The following C14orf39 variants were observed in gnomAD, a reference collection of about 807,000 sequenced individuals.
C14orf39 encodes the protein chromosome 14 open reading frame 39, also known as protein SIX6OS1.
In C14orf39, 66 loss-of-function variants were observed where a neutral mutation model predicts 85.6. The ratio of observed to expected loss-of-function variants is 0.77; its 90% CI spans 0.63 to 0.95. The LOEUF (loss-of-function observed/expected upper bound fraction) is 0.95. Among genes scored for constraint, C14orf39 ranks in the 40% least tolerant of loss-of-function variants. The pLI is 0.00. For missense variants in C14orf39, 735 were observed against 663.9 expected (o/e 1.11, Z -1.18); for synonymous variants, 242 against 214.0 (o/e 1.13, Z -1.14).
chr14:60,472,931 G>T (rs923110249), intron 5 of C14orf39, among the ~76,000 whole-genome samples: 22 of 152,116 alleles, frequency 1.4e-4, no homozygotes, highest in African/African-American at 5.3e-4. Context: ...GTAATGGGAT[G>T]GCTGGGTCAA....
In C14orf39 at chr14:60,469,571, C is replaced by T; in HGVS notation, c.637G>A (p.Val213Ile). The part of the protein sequence containing the change: ...TKSSSELKKE[V>I]DEMEIEINYL... ...TTAATTTCTATTTCCATTTCATCTA[C>T]TTCTTTCTTCAATTCGGATGAACTT... Residue 213 changes from valine to isoleucine, a missense_variant, in exon 8 of 18, where the codon GTA becomes ATA. Val to Ile is a conservative substitution (Grantham distance 29, BLOSUM62 3). Coordinates refer to ENST00000321731, the MANE Select transcript of C14orf39 (RefSeq NM_174978.3). 1 of 1,509,908 alleles carries T rather than the reference C, an allele frequency of 6.6e-7. No individual in the cohort carries two copies. Among genetic ancestry groups the T allele is most frequent in the Non-Finnish European group, 8.9e-7 (1 of 1,120,604 alleles). The allele number at this position is 1,509,908 out of a possible 1,614,324, so 93.5% of individuals were successfully genotyped here. A position where few individuals can be genotyped will look rare whatever the true frequency, so the allele number is the denominator to read the frequency against.
chr14:60,501,526 T>A (rs1893148012), intron 1 of C14orf39, among the ~76,000 whole-genome samples: 1 of 152,172 alleles, frequency 6.6e-6, no homozygotes, highest in Admixed American at 6.5e-5. Context: ...TATCGCCCTG[T>A]CAACACCTCG....
intron 7 of C14orf39, among the ~76,000 whole-genome samples, chr14:60,470,718 A>G (rs187253832): frequency 6.6e-6 from 1 of 152,072 alleles, no homozygotes; most frequent in African/African-American, 2.4e-5. Flanking sequence ...CAGAAGAGTT[A>G]AAAGGATGGT....
chr14:60,484,956 T>C lies in C14orf39; in HGVS notation c.50-19A>G. On this transcript the variant is annotated intron_variant, in intron 2 of 17. Transcript: ENST00000321731. This position sits in a 1 kb window ranked among gnomAD's most constrained non-coding sequence, Gnocchi z 4.2. ...TGGAAGACTAAAATAAATAATTATC[T>C]TGTGACTTCAATTCATTGTTAAAAT... 6.3e-7 allele frequency: 1 copy of C among 1,579,138 alleles called. No homozygotes were observed. Among genetic ancestry groups the C allele is most frequent in the South Asian group, 1.2e-5 (1 of 86,078 alleles).
chr14:60,465,911 A>T, intron 11 of C14orf39, 68 bp downstream of exon 11: 3 of 729,062 alleles, frequency 4.1e-6, no homozygotes, highest in East Asian at 2.9e-5. Context: ...TCTTAAGGGC[A>T]GTACATTCAT....
Position 60,499,785 on chromosome 14 carries a change from A to AT in C14orf39, c.-143-356_-143-355insA, listed in dbSNP as rs562200570. 3.3e-4 allele frequency among the ~76,000 whole-genome samples: 51 copies of AT among 152,346 alleles called. No individual in the cohort carries two copies. The East Asian group carries it at 9.4e-3, about 28-fold the overall frequency. On this transcript the variant is annotated intron_variant, in intron 1 of 5. Coordinates refer to the C14orf39 transcript ENST00000556799. Reference sequence around the variant, plus strand: ...ATATTGGCAATACACGACAAGAAAAAATATATATCCTTAATATTTGAAGTG... The same window carrying AT: ...ATATTGGCAATACACGACAAGAAAAATATATATATCCTTAATATTTGAAGTG...
intron 8 of C14orf39, among the ~76,000 whole-genome samples, 174 bp from the exon 9 acceptor site, chr14:60,468,710 C>A (rs1891920134): frequency 6.6e-6 from 1 of 151,412 alleles, no homozygotes; most frequent in African/African-American, 2.4e-5. Flanking sequence ...TAAATCACAC[C>A]CGTTTAACTT....
chr14:60,496,033 T>G, intron 2 of C14orf39: 1 of 683,918 alleles, frequency 1.5e-6, no homozygotes, highest in Non-Finnish European at 2.5e-6. Context: ...AAAGGGATTT[T>G]GGCATGAGGT....
chr14:60,461,494 T>C lies in C14orf39; in HGVS notation c.1058+14A>G, dbSNP rs1280750780. On this transcript the variant is annotated intron_variant, in intron 12 of 17. Transcript: ENST00000321731. ...TTTCAGAGATTAAAGCATTTTCTTA[T>C]TTTAAAAAGTTACCTGACTTGCATA... The C allele has an allele frequency of 1.3e-6, 2 of 1,580,380 alleles. No individual in the cohort carries two copies. The highest frequency in any genetic ancestry group is 2.2e-5 in the East Asian group (1 of 44,466).
At chr14:60,438,587 T>C (rs184598411) in intron 17 of C14orf39, among the ~76,000 whole-genome samples, 1 of 152,246 alleles carries the variant, frequency 6.6e-6, no homozygotes, top group Non-Finnish European at 1.5e-5. Context: ...TTAAAATCCT[T>C]GTCCTCAAAA....
At chr14:60,483,129 T>C (rs998194660) in intron 4 of C14orf39, among the ~76,000 whole-genome samples, 12 of 152,160 alleles carry the variant, frequency 7.9e-5, no homozygotes, top group Non-Finnish European at 1.3e-4. Flanking sequence ...CAAAAAAGGC[T>C]TATTAAAATT....
At chr14:60,511,134 A>C (rs1239541440) in intron 1 of C14orf39, 1 of 1,612,736 alleles carries the variant, frequency 6.2e-7, no homozygotes, top group Non-Finnish European at 8.5e-7. Flanking sequence ...CTACGGGCGG[A>C]GGGCGACGGC....
At chr14:60,493,960 T>C in intron 2 of C14orf39, 1 of 162,904 alleles carries the variant, frequency 6.1e-6, no homozygotes, top group Non-Finnish European at 1.3e-5. Flanking sequence ...CACTGATACC[T>C]GATTGGGAGC....
At chr14:60,465,838 T>G (rs895152355) in intron 11 of C14orf39, 141 bp downstream of exon 11, 2 of 440,150 alleles carry the variant, frequency 4.5e-6, no homozygotes, top group African/African-American at 4.1e-5. Context: ...AATGGCTGAT[T>G]TAATAAATTT....
intron 5 of C14orf39, among the ~76,000 whole-genome samples, chr14:60,474,031 C>T (rs1433564014): frequency 6.6e-6 from 1 of 152,140 alleles, no homozygotes; most frequent in Non-Finnish European, 1.5e-5. Context: ...TCTTCCTACC[C>T]ATGAGCATGG....
Position 60,466,915 on chromosome 14 carries a change from A to G in C14orf39, c.895+2T>C. On this transcript the variant is annotated splice_donor_variant, in intron 10 of 17. Transcript: ENST00000321731. LOFTEE classifies it high-confidence loss of function. ...TTTTTGAATAACAAACAGATATTAT[A>G]CCTGCAACTCTTGGTTCTGAAGAAT... The G allele has an allele frequency of 2.0e-6, 3 of 1,481,776 alleles. No homozygotes were observed. Among genetic ancestry groups the G allele is most frequent in the Non-Finnish European group, 2.7e-6 (3 of 1,120,550 alleles). The allele number at this position is 1,481,776 out of a possible 1,614,324, so 91.8% of individuals were successfully genotyped here.
At chr14:60,483,602 A>C in intron 4 of C14orf39, 89 bp downstream of exon 4, 2 of 1,145,072 alleles carry the variant, frequency 1.7e-6, no homozygotes, top group South Asian at 1.6e-5. Context: ...CTAATACAGA[A>C]TACTACTTTG....
At chr14:60,495,176 T>G (rs1893051434) in intron 2 of C14orf39, 2 of 197,952 alleles carry the variant, frequency 1.0e-5, no homozygotes, top group South Asian at 1.9e-4. Context: ...TAATGCATTT[T>G]GAGGGATTTA....
At chr14:60,469,117 T>C (rs1677249499) in intron 8 of C14orf39, among the ~76,000 whole-genome samples, 1 of 151,104 alleles carries the variant, frequency 6.6e-6, no homozygotes, top group Admixed American at 6.6e-5. Context: ...CTAAAGATTA[T>C]AGTCATATAT....
Sources: gnomAD v4.1 joint callset for allele counts (sites outside exome capture counted in the v4.1 genomes callset) on GRCh38, gnomAD v4.1.1 for gene constraint, Gnocchi (gnomAD v3.1) non-coding constraint, MANE v1.5 for transcripts, NCBI Gene and HGNC (gene_info 2026-07-23, HGNC 2026-07-21) for gene names.